ZNF277: variants seen among roughly 807,000 people sequenced by gnomAD.
ZNF277 encodes the protein zinc finger protein 277.
Under a neutral mutation model 60.7 loss-of-function variants are expected in ZNF277, and 55 were observed. The ratio of observed to expected loss-of-function variants is 0.91; its 90% CI spans 0.73 to 1.13. The LOEUF (loss-of-function observed/expected upper bound fraction) is 1.13, where lower values mean the gene tolerates loss of function less well. Among genes scored for constraint, ZNF277 ranks in the 50% most tolerant of loss-of-function variants. ZNF277 has a pLI of 0.00. For missense variants in ZNF277, 510 were observed against 523.0 expected, an observed-to-expected ratio of 0.98 and a Z score of 0.24; for synonymous variants, 178 against 179.3, an observed-to-expected ratio of 0.99 and a Z score of 0.06.
intron 1 of ZNF277, among the ~76,000 whole-genome samples, chr7:112,281,173 C>T (rs758572370): frequency 5.3e-5 from 8 of 152,198 alleles, no homozygotes; most frequent in Non-Finnish European, 8.8e-5. Flanking sequence ...TCACAATCCT[C>T]GTGTGATCAT....
chr7:112,304,453 C>T (rs1384562014), intron 4 of ZNF277, among the ~76,000 whole-genome samples: 1 of 151,980 alleles, frequency 6.6e-6, no homozygotes, highest in Non-Finnish European at 1.5e-5. Context: ...GTGAGGGCTT[C>T]CAAAATATTT....
intron 4 of ZNF277, among the ~76,000 whole-genome samples, chr7:112,298,225 G>A (rs1018287614): frequency 1.3e-5 from 2 of 152,120 alleles, no homozygotes; most frequent in African/African-American, 4.8e-5. Context: ...ATCTTGCAGG[G>A]CTTATGAAGA....
chr7:112,326,344 C>CT, intron 5 of ZNF277, among the ~76,000 whole-genome samples: 1 of 151,830 alleles, frequency 6.6e-6, no homozygotes, highest in Non-Finnish European at 1.5e-5. Context: ...GGGGAACTTT[C>CT]TTACCCTCTG....
chr7:112,256,387 T>A (rs1184183194), intron 1 of ZNF277, among the ~76,000 whole-genome samples: 1 of 150,046 alleles, frequency 6.7e-6, no homozygotes, highest in Non-Finnish European at 1.5e-5. Flanking sequence ...TTTAAGAACA[T>A]CTCCAGGGAA....
At position 112,341,023 on chromosome 7, in the gene ZNF277, TAGAA is replaced by T; in HGVS notation, c.1165_1168del (p.Lys389ArgfsTer28). On this transcript the variant is annotated frameshift_variant, in exon 11 of 12. Transcript: ENST00000361822. LOFTEE classifies it high-confidence loss of function. ...CTAAACACACTTCGCTGCTCCCCGA[TAGAA>T]AGACGTGGGATCAACTGGAGTACGT... 2 of 1,602,238 alleles carry T rather than the reference TAGAA, an allele frequency of 1.2e-6. No homozygotes were observed. The highest frequency in any genetic ancestry group is 1.1e-5 in the South Asian group (1 of 87,008).
chr7:112,282,847 G>A (rs536056380), intron 1 of ZNF277, among the ~76,000 whole-genome samples: 1 of 152,224 alleles, frequency 6.6e-6, no homozygotes, highest in African/African-American at 2.4e-5. Context: ...CTGCAGGCAG[G>A]TCATTTCACC....
At chr7:112,262,447 T>C (rs1791460226) in intron 1 of ZNF277, among the ~76,000 whole-genome samples, 1 of 152,124 alleles carries the variant, frequency 6.6e-6, no homozygotes, top group African/African-American at 2.4e-5. Flanking sequence ...TAGCAAACAG[T>C]ATTTTTAGAT....
intron 2 of ZNF277, among the ~76,000 whole-genome samples, chr7:112,293,263 A>G (rs1792249440): frequency 6.6e-6 from 1 of 152,136 alleles, no homozygotes; most frequent in African/African-American, 2.4e-5. Flanking sequence ...AGCAAGGGAC[A>G]ATATTGATTG....
rs573308002 is a variant in ZNF277 at position 112,209,561 on chromosome 7, C to T, written c.91+2754C>T. ...ATTTCTCACCCTCGGTGAGAAATACCCAGTATTCTCATTGACTTGTAGCAG... is the reference window on the plus strand; with the variant it reads ...ATTTCTCACCCTCGGTGAGAAATACTCAGTATTCTCATTGACTTGTAGCAG... On this transcript the variant is annotated intron_variant, in intron 1 of 11. Transcript: ENST00000361822. 6.5e-4 allele frequency among the ~76,000 whole-genome samples: 99 copies of T among 152,078 alleles called. 2 individuals carry two copies. The highest frequency in any genetic ancestry group is 2.3e-3 in the African/African-American group (96 of 41,478).
chr7:112,281,324 C>A (rs1791938898), intron 1 of ZNF277, among the ~76,000 whole-genome samples: 1 of 152,206 alleles, frequency 6.6e-6, no homozygotes, highest in South Asian at 2.1e-4. Context: ...TTGGAAACCA[C>A]TGCTCTAAGC....
At position 112,206,830 on chromosome 7, in the gene ZNF277, G is replaced by A. The variant is rs372223447; in HGVS notation, c.91+23G>A. On this transcript the variant is annotated intron_variant, in intron 1 of 11. Transcript: ENST00000361822. The stretch of plus-strand genomic sequence containing the variant: ...GGGGTGAGTACGGTGCCCCGGAGGC[G>A]CGGCTGATGTGTCTTCCTTTCTCTA... 5.6e-6 allele frequency: 9 copies of A among 1,607,978 alleles called. No individual in the cohort carries two copies. In the African/African-American group the frequency reaches 1.2e-4, roughly 22 times the overall value.
At chr7:112,298,043 T>G (rs1308569145) in intron 4 of ZNF277, among the ~76,000 whole-genome samples, 2 of 152,122 alleles carry the variant, frequency 1.3e-5, no homozygotes, top group Admixed American at 1.3e-4. Context: ...AAAAGAAGAA[T>G]GAAAAGGCAA....
At chr7:112,299,180 A>G (rs1289696005) in intron 4 of ZNF277, among the ~76,000 whole-genome samples, 2 of 152,226 alleles carry the variant, frequency 1.3e-5, no homozygotes, top group Non-Finnish European at 2.9e-5. Context: ...GTGTGGAAGC[A>G]TGAGGTTAGT....
intron 5 of ZNF277, among the ~76,000 whole-genome samples, chr7:112,325,577 T>A (rs1219316889): frequency 2.0e-5 from 3 of 152,148 alleles, no homozygotes; most frequent in Non-Finnish European, 4.4e-5. Context: ...TTTCAATATC[T>A]GTATTCCTGT....
intron 1 of ZNF277, among the ~76,000 whole-genome samples, chr7:112,217,464 T>C (rs560807693): frequency 1.3e-5 from 2 of 152,392 alleles, no homozygotes; most frequent in Admixed American, 1.3e-4. Context: ...AACTTGATTA[T>C]GCAGACTGAA....
intron 1 of ZNF277, among the ~76,000 whole-genome samples, chr7:112,231,705 G>C (rs1453240890): frequency 6.6e-6 from 1 of 151,236 alleles, no homozygotes; most frequent in Non-Finnish European, 1.5e-5. Context: ...TAACATGAAT[G>C]ATGTCTCCCT....
chr7:112,230,153 G>T (rs1218148691), intron 1 of ZNF277, among the ~76,000 whole-genome samples: 1 of 152,152 alleles, frequency 6.6e-6, no homozygotes, highest in African/African-American at 2.4e-5. Flanking sequence ...CTGGCTGGGC[G>T]CAGTGGCTCA....
At chr7:112,214,062 G>T (rs535497499) in intron 1 of ZNF277, among the ~76,000 whole-genome samples, 1 of 152,284 alleles carries the variant, frequency 6.6e-6, no homozygotes, top group African/African-American at 2.4e-5. Flanking sequence ...TGAAGAGCAG[G>T]TTATTATTGA....
chr7:112,310,261 G>A lies in ZNF277; in HGVS notation c.466-7921G>A, dbSNP rs1056420376. 5.9e-5 allele frequency among the ~76,000 whole-genome samples: 9 copies of A among 151,978 alleles called. No homozygotes were observed. In the East Asian group the frequency reaches 1.2e-3, roughly 20 times the overall value. ...TCATGTCATTTATATAAACTATCAGGTGTGGTCAAAGGGCCCACCATGAAT... is the reference window on the plus strand; with the variant it reads ...TCATGTCATTTATATAAACTATCAGATGTGGTCAAAGGGCCCACCATGAAT... On this transcript the variant is annotated intron_variant, in intron 4 of 11. Transcript: ENST00000361822.
Sources: allele counts gnomAD v4.1 joint callset (sites outside exome capture counted in the v4.1 genomes callset), GRCh38; gene constraint gnomAD v4.1.1; transcripts MANE v1.5; gene names NCBI Gene and HGNC (gene_info 2026-07-23, HGNC 2026-07-21).